DLG2: variants seen among roughly 807,000 people sequenced by gnomAD.
The protein encoded by DLG2 is discs large MAGUK scaffold protein 2.
A neutral mutation model predicts 132.5 loss-of-function variants in DLG2; 45 were observed. That is an observed-to-expected ratio of 0.34 (90% CI 0.27 to 0.44). DLG2 has a LOEUF of 0.44. Among genes scored for constraint, DLG2 ranks in the 20% least tolerant of loss-of-function variants. DLG2 has a pLI of 1.00. For missense variants in DLG2, 1,045 were observed against 1,196.9 expected (o/e 0.87, Z 1.87); for synonymous variants, 424 against 419.6 (o/e 1.01, Z -0.13).
chr11:84,714,579 CTCTTTCTCTTTCTCTT>C lies in DLG2; in HGVS notation c.358-179864_358-179849del, dbSNP rs1445154267. On this transcript the variant is annotated intron_variant, in intron 6 of 27. Coordinates refer to ENST00000376104, the MANE Select transcript of DLG2 (RefSeq NM_001142699.3). Reference sequence around the variant, plus strand: ...TCTCTTTCTCTTTCTCTTTCTCTTTCTCTTTCTCTTTCTCTTTCTTTCTCTTTCTCTTTCTCTTTCT... The same window carrying C: ...TCTCTTTCTCTTTCTCTTTCTCTTTCTCTTTCTCTTTCTCTTTCTCTTTCT... Among the ~76,000 whole-genome samples, 313 of 131,912 alleles carry C rather than the reference CTCTTTCTCTTTCTCTT, an allele frequency of 2.4e-3. 7 individuals carry two copies. The highest frequency in any genetic ancestry group is 8.8e-3 in the African/African-American group (258 of 29,226). The allele number at this position is 131,912 out of a possible 152,430, so 86.5% of individuals were successfully genotyped here.
chr11:84,008,646 A>C (rs2094705166), intron 11 of DLG2, among the ~76,000 whole-genome samples: 1 of 151,952 alleles, frequency 6.6e-6, no homozygotes. Flanking sequence ...AGAAGGGTAA[A>C]AAGAAAAAGA....
intron 10 of DLG2, among the ~76,000 whole-genome samples, chr11:84,063,511 T>C (rs1458248298): frequency 7.5e-6 from 1 of 133,924 alleles, no homozygotes; most frequent in Non-Finnish European, 1.6e-5. Context: ...AAGTAACAGG[T>C]AATATCTACT....
chr11:84,293,735 T>C (rs1350923412), intron 7 of DLG2, among the ~76,000 whole-genome samples: 2 of 152,144 alleles, frequency 1.3e-5, no homozygotes, highest in Non-Finnish European at 1.5e-5. Flanking sequence ...AAAAACTTCA[T>C]ATAATGAGAG....
rs886560260 is a variant in DLG2, at chr11:83,906,410, C to T, written c.1496+23918G>A. On this transcript the variant is annotated intron_variant, in intron 15 of 27. Coordinates refer to ENST00000376104, the MANE Select transcript of DLG2 (RefSeq NM_001142699.3). ...TTAATAAAGACATACATACATAGTTCGGGAGATAGGGGAGCACGGAAGTAT... is the reference window on the plus strand; with the variant it reads ...TTAATAAAGACATACATACATAGTTTGGGAGATAGGGGAGCACGGAAGTAT... Among the ~76,000 whole-genome samples the T allele has an allele frequency of 9.9e-5, 15 of 151,558 alleles. No individual in the cohort carries two copies. In the East Asian group the frequency reaches 2.9e-3, roughly 30 times the overall value.
chr11:84,228,812 TAC>T (rs2097048366), intron 8 of DLG2, among the ~76,000 whole-genome samples: 1 of 152,194 alleles, frequency 6.6e-6, no homozygotes, highest in Non-Finnish European at 1.5e-5. Context: ...GCCAGTGTAG[TAC>T]ATTGGTAAAG....
chr11:85,468,108 A>G (rs2092858346), intron 3 of DLG2, among the ~76,000 whole-genome samples: 1 of 152,038 alleles, frequency 6.6e-6, no homozygotes, highest in African/African-American at 2.4e-5. Context: ...AGAGGTGTTT[A>G]TAGTATTCTC....
intron 8 of DLG2, among the ~76,000 whole-genome samples, chr11:84,206,676 G>A (rs996693988): frequency 4.0e-5 from 6 of 151,780 alleles, no homozygotes; most frequent in Admixed American, 1.3e-4. Context: ...AAAAATAATC[G>A]GACAGTATCT....
At chr11:84,273,950 T>C (rs2097761239) in intron 7 of DLG2, among the ~76,000 whole-genome samples, 1 of 152,174 alleles carries the variant, frequency 6.6e-6, no homozygotes, top group African/African-American at 2.4e-5. Context: ...AAGAACTTTA[T>C]GTTGCCTATA....
chr11:85,548,679 G>T (rs1323044842), intron 3 of DLG2, among the ~76,000 whole-genome samples: 1 of 152,152 alleles, frequency 6.6e-6, no homozygotes, highest in African/African-American at 2.4e-5. Flanking sequence ...TTTCAGAGAC[G>T]CCCTGTCCAG....
intron 4 of DLG2, among the ~76,000 whole-genome samples, chr11:85,273,054 T>G (rs1166222473): frequency 1.3e-5 from 2 of 152,126 alleles, no homozygotes; most frequent in African/African-American, 4.8e-5. Flanking sequence ...TAGCCATATG[T>G]AGAAAGCTGA....
chr11:83,589,702 G>A (rs1229182914), intron 19 of DLG2, among the ~76,000 whole-genome samples: 1 of 151,254 alleles, frequency 6.6e-6, no homozygotes, highest in African/African-American at 2.4e-5. Flanking sequence ...TGGCAAATTG[G>A]ATAAAGAGTC....
At chr11:84,510,816 T>C (rs2099255146) in intron 7 of DLG2, among the ~76,000 whole-genome samples, 1 of 107,170 alleles carries the variant, frequency 9.3e-6, no homozygotes. Context: ...TAACTGTTTT[T>C]TGTTTGTTTG....
intron 3 of DLG2, among the ~76,000 whole-genome samples, chr11:85,324,667 G>T (rs1051614908): frequency 6.6e-5 from 10 of 152,150 alleles, no homozygotes; most frequent in African/African-American, 1.2e-4. Context: ...GAGGTTTTGA[G>T]GTTTGCTGTA....
chr11:83,981,792 C>A (rs192387969), intron 11 of DLG2, among the ~76,000 whole-genome samples: 10 of 152,136 alleles, frequency 6.6e-5, no homozygotes, highest in Non-Finnish European at 1.2e-4. Context: ...GGCAGAATAT[C>A]AAATCATTTT....
chr11:84,809,778 A>G (rs569677489), intron 6 of DLG2, among the ~76,000 whole-genome samples: 12 of 152,030 alleles, frequency 7.9e-5, no homozygotes, highest in Non-Finnish European at 1.5e-4. Flanking sequence ...TGAAAATACA[A>G]AAGAACTAGA....
intron 4 of DLG2, among the ~76,000 whole-genome samples, chr11:85,216,030 A>G (rs550532521): frequency 6.6e-6 from 1 of 151,952 alleles, no homozygotes; most frequent in East Asian, 1.9e-4. Flanking sequence ...AAAAAAAGGA[A>G]GCACAGACTG....
intron 6 of DLG2, among the ~76,000 whole-genome samples, chr11:85,026,090 C>T (rs758344119): frequency 7.2e-5 from 11 of 151,762 alleles, no homozygotes; most frequent in South Asian, 2.1e-4. Flanking sequence ...ATTTAAATAT[C>T]AGAAGCCAAA....
At chr11:84,749,065 A>T (rs982900744) in intron 6 of DLG2, among the ~76,000 whole-genome samples, 2 of 152,150 alleles carry the variant, frequency 1.3e-5, no homozygotes, top group Non-Finnish European at 2.9e-5. Context: ...GATGGTAGAG[A>T]AATACTTGAG....
At chr11:84,004,604 T>A (rs1038443147) in intron 11 of DLG2, among the ~76,000 whole-genome samples, 5 of 151,702 alleles carry the variant, frequency 3.3e-5, no homozygotes, top group African/African-American at 1.2e-4. Context: ...GGATACAAAA[T>A]CAATATAAAA....
Sources: allele counts gnomAD v4.1 joint callset (sites outside exome capture counted in the v4.1 genomes callset), GRCh38; gene constraint gnomAD v4.1.1; transcripts MANE v1.5; gene names NCBI Gene and HGNC (gene_info 2026-07-23, HGNC 2026-07-21).